Variants in REPS2 observed in about 807,000 individuals in gnomAD.
REPS2 encodes ralBP1-associated Eps domain-containing protein 2.
Under a neutral mutation model 53.6 loss-of-function variants are expected in REPS2, and 23 were observed. The ratio of observed to expected loss-of-function variants is 0.43; its 90% CI spans 0.31 to 0.61. REPS2 has a LOEUF of 0.61. REPS2 is among the 20% of genes least tolerant of loss of function. The probability of loss-of-function intolerance (pLI) is 0.11; values close to 1 mark genes in which losing one functional copy is unlikely to be tolerated. For synonymous variants in REPS2, 238 were observed against 218.6 expected, an observed-to-expected ratio of 1.09 and a Z score of -0.78; for missense variants, 446 against 534.9, an observed-to-expected ratio of 0.83 and a Z score of 1.64.
intron 17 of REPS2, among the ~76,000 whole-genome samples, chrX:17,143,705 C>T (rs1431045628): frequency 9.0e-6 from 1 of 111,073 alleles, no homozygotes; most frequent in Non-Finnish European, 1.9e-5. Context: ...TATTCTAAAT[C>T]TTCTGTTGTT....
rs1442938421 is a variant in REPS2 at position 17,047,495 on chromosome X, G to A, written c.907+13G>A. 1 of 1,205,114 alleles carries A rather than the reference G, an allele frequency of 8.3e-7. No homozygotes were observed. Among genetic ancestry groups the A allele is most frequent in the Non-Finnish European group, 1.1e-6 (1 of 893,244 alleles). ...TCTTTCATTTCAGGTAAGAATGTGG[G>A]CTCCCTAGGCATCACTCTCACCAGA... On this transcript the variant is annotated intron_variant, in intron 6 of 17. Transcript: ENST00000357277.
chrX:17,046,225 GCTCCCAGGTTCAACTTCTGC>G (rs2061904299), intron 5 of REPS2, among the ~76,000 whole-genome samples: 1 of 106,735 alleles, frequency 9.4e-6, no homozygotes, highest in Non-Finnish European at 1.9e-5. Context: ...TGCGACCTCT[GCTCCCAGGTTCAACTTCTGC>G]CTCCCAGGTT....
Position 17,053,647 on chromosome X carries a change from A to G in REPS2, c.972-1161A>G, listed in dbSNP as rs148756087. Among the ~76,000 whole-genome samples, 561 of 112,240 alleles carry G rather than the reference A, an allele frequency of 5.0e-3. 5 individuals are homozygous for G. The highest frequency in any genetic ancestry group is 0.017 in the African/African-American group (515 of 30,910). On this transcript the variant is annotated intron_variant, in intron 7 of 17. Transcript: ENST00000357277. The stretch of plus-strand genomic sequence containing the variant: ...ATGAGCCACCATGCCCGGCCCTTAT[A>G]TTAGATTTTCTGGCTAGGGAAGAAT...
chrX:17,056,956 G>A (rs1452666170), intron 8 of REPS2, among the ~76,000 whole-genome samples: 1 of 111,848 alleles, frequency 8.9e-6, no homozygotes, highest in Non-Finnish European at 1.9e-5. Context: ...ATTCCTTTGG[G>A]AGAGTAGAAA....
intron 11 of REPS2, 123 bp from the exon 12 acceptor site, chrX:17,073,991 C>A: frequency 2.2e-6 from 1 of 451,957 alleles, no homozygotes; most frequent in South Asian, 5.0e-5. Flanking sequence ...GGGAGCCGTC[C>A]AGTTCTCCAC....
At chrX:17,077,026 T>G (rs1028311655) in intron 12 of REPS2, among the ~76,000 whole-genome samples, 3 of 111,813 alleles carry the variant, frequency 2.7e-5, no homozygotes, top group Non-Finnish European at 5.6e-5. Flanking sequence ...AAGTTTTTTT[T>G]GGGGGGTTGA....
chrX:17,185,778 C>T, the REPS2 span, among the ~76,000 whole-genome samples: 2 of 111,356 alleles, frequency 1.8e-5, no homozygotes, highest in East Asian at 5.7e-4. Context: ...TAAAAATCTT[C>T]TCAAAAGGGC....
chrX:17,101,249 A>G (rs552737372), intron 13 of REPS2, among the ~76,000 whole-genome samples: 4 of 108,413 alleles, frequency 3.7e-5, no homozygotes, highest in South Asian at 8.2e-4. Context: ...TTTTTAGTAG[A>G]GATGGGGTTT....
Position 17,096,640 on chromosome X carries a change from A to G in REPS2, c.1517-7078A>G, listed in dbSNP as rs1366907086. Among the ~76,000 whole-genome samples the G allele has an allele frequency of 6.1e-5, 4 of 65,148 alleles. No individual in the cohort carries two copies. In the South Asian group the frequency reaches 3.9e-3, roughly 64 times the overall value. The allele number at this position is 65,148 out of a possible 115,157, so 56.6% of individuals were successfully genotyped here. A position where few individuals can be genotyped will look rare whatever the true frequency, so the allele number is the denominator to read the frequency against. ...CCGCCACTGCACTCCAGCCTGGGCG[A>G]CAGAGCGAGACTCCGTCTCAAAAAA... On this transcript the variant is annotated intron_variant, in intron 13 of 17. Transcript: ENST00000357277.
chrX:17,013,161 A>G (rs1429071326), intron 2 of REPS2, among the ~76,000 whole-genome samples: 1 of 112,137 alleles, frequency 8.9e-6, no homozygotes, highest in Non-Finnish European at 1.9e-5. Flanking sequence ...ATGCTGCTCA[A>G]CACCCTACAC....
intron 11 of REPS2, among the ~76,000 whole-genome samples, chrX:17,072,381 T>C (rs973669828): frequency 9.0e-6 from 1 of 111,684 alleles, no homozygotes; most frequent in Non-Finnish European, 1.9e-5. Context: ...TAACAGCTAG[T>C]TAGTGTCATG....
intron 1 of REPS2, among the ~76,000 whole-genome samples, chrX:16,966,810 T>A (rs2060776074): frequency 8.9e-6 from 1 of 112,034 alleles, no homozygotes; most frequent in Middle Eastern, 4.2e-3. Flanking sequence ...CAGAAGAGAG[T>A]GTTGAGTGGT....
At chrX:17,172,866 C>G in the REPS2 span, among the ~76,000 whole-genome samples, 1 of 109,895 alleles carries the variant, frequency 9.1e-6, no homozygotes. Context: ...TCATTGTTTT[C>G]TAATATTAAT....
intron 14 of REPS2, among the ~76,000 whole-genome samples, chrX:17,104,324 T>C (rs1222220945): frequency 8.9e-6 from 1 of 112,030 alleles, no homozygotes; most frequent in Non-Finnish European, 1.9e-5. Flanking sequence ...ACCCCTAAAT[T>C]AATTCTGCCT....
At chrX:17,115,976 C>T (rs2063048524) in intron 14 of REPS2, among the ~76,000 whole-genome samples, 1 of 111,418 alleles carries the variant, frequency 9.0e-6, no homozygotes, top group South Asian at 3.8e-4. Flanking sequence ...CTTTTCCCCA[C>T]ACTTTCAGTG....
chrX:17,128,881 T>C lies in REPS2; in HGVS notation c.1579-4943T>C, dbSNP rs182932953. Among the ~76,000 whole-genome samples, 394 of 112,703 alleles carry C rather than the reference T, an allele frequency of 3.5e-3. 2 individuals are homozygous for C. The highest frequency in any genetic ancestry group is 0.012 in the African/African-American group (359 of 31,042). ...TATTAATATTACAATATTATATATT[T>C]TTAAAAGGAACTTTAGCTCACATTT... On this transcript the variant is annotated intron_variant, in intron 14 of 17. Transcript: ENST00000357277.
At chrX:17,099,680 C>G (rs1343022795) in intron 13 of REPS2, 25 of 438,934 alleles carry the variant, frequency 5.7e-5, no homozygotes, top group South Asian at 1.0e-4. Flanking sequence ...AGGGCATCTT[C>G]TCAAGCTACC....
intron 13 of REPS2, among the ~76,000 whole-genome samples, chrX:17,083,957 A>G (rs766573583): frequency 9.0e-6 from 1 of 111,135 alleles, no homozygotes; most frequent in African/African-American, 3.3e-5. Flanking sequence ...TAAAGTGCAC[A>G]ATTCAGTGAT....
At chrX:17,160,731 C>T in the REPS2 span, among the ~76,000 whole-genome samples, 2 of 112,131 alleles carry the variant, frequency 1.8e-5, no homozygotes, top group Non-Finnish European at 3.8e-5. Context: ...AGCTGAGAGC[C>T]CAGAAGGTAA....
Sources: allele counts gnomAD v4.1 joint callset (sites outside exome capture counted in the v4.1 genomes callset), GRCh38; gene constraint gnomAD v4.1.1; transcripts MANE v1.5; gene names NCBI Gene and HGNC (gene_info 2026-07-23, HGNC 2026-07-21).